Variants in FKBP5 observed in about 807,000 individuals in gnomAD.
FKBP5 encodes the protein FKBP prolyl isomerase 5, also known as peptidyl-prolyl cis-trans isomerase FKBP5.
Under a neutral mutation model 50.5 loss-of-function variants are expected in FKBP5, and 23 were observed. The observed-to-expected ratio is 0.46, with a 90% CI of 0.33 to 0.65. FKBP5 has a LOEUF of 0.65. Ranked by LOEUF, FKBP5 falls within the 30% of genes least tolerant of loss-of-function variation. The probability of loss-of-function intolerance (pLI) is 0.02; values close to 1 mark genes in which losing one functional copy is unlikely to be tolerated. For synonymous variants in FKBP5, 176 were observed against 190.6 expected (o/e 0.92, Z 0.63); for missense variants, 411 against 553.1 (o/e 0.74, Z 2.58).
chr6:35,723,254 A>G (rs976818223), intron 1 of FKBP5, among the ~76,000 whole-genome samples: 2 of 151,912 alleles, frequency 1.3e-5, no homozygotes, highest in Non-Finnish European at 2.9e-5. Context: ...AAATAAAATA[A>G]AATAAAAATT....
At chr6:35,672,018 G>A (rs1046996631) in intron 1 of FKBP5, among the ~76,000 whole-genome samples, 6 of 151,996 alleles carry the variant, frequency 3.9e-5, no homozygotes, top group African/African-American at 1.5e-4. Flanking sequence ...ACAGGCTTCC[G>A]CCACCACGCC....
chr6:35,681,825 T>G (rs769760088), intron 1 of FKBP5, among the ~76,000 whole-genome samples: 4 of 152,202 alleles, frequency 2.6e-5, no homozygotes, highest in Non-Finnish European at 5.9e-5. Context: ...ATTTGATATT[T>G]ATACATATGT....
Position 35,615,142 on chromosome 6 carries a change from CAACAACAACAACT to C in FKBP5, c.508+3941_508+3953del, listed in dbSNP as rs781527694. On this transcript the variant is annotated intron_variant, in intron 5 of 10. Transcript: ENST00000357266. ...CTGTCGCAAACAACAACAACAACAA[CAACAACAACAACT>C]ACACACACACACACACACACACACA... is the stretch of plus-strand genomic sequence containing the variant. 4.3e-3 allele frequency among the ~76,000 whole-genome samples: 503 copies of C among 115,964 alleles called. 4 individuals carry two copies. The highest frequency in any genetic ancestry group is 0.022 in the Middle Eastern group (6 of 268). The allele number at this position is 115,964 out of a possible 152,430, so 76.1% of individuals were successfully genotyped here.
chr6:35,626,175 A>G (rs1250815348), intron 3 of FKBP5, among the ~76,000 whole-genome samples: 1 of 152,196 alleles, frequency 6.6e-6, no homozygotes, highest in Non-Finnish European at 1.5e-5. Flanking sequence ...GTAATAAAAT[A>G]TAAAACAAGA....
intron 2 of FKBP5, among the ~76,000 whole-genome samples, chr6:35,701,233 G>GTTTTTTTT (rs200620341): frequency 6.8e-6 from 1 of 147,540 alleles, no homozygotes; most frequent in African/African-American, 2.5e-5. Context: ...GTTTGTTTTT[G>GTTTTTTTT]TTTTTTGTTT....
chr6:35,575,776 G>C lies in FKBP5; in HGVS notation c.*59C>G. On this transcript the variant is annotated 3_prime_UTR_variant, in exon 11 of 11. Transcript: ENST00000357266. ...TAAACACTGTTCTGTCCTGAGTTGGGGGAAAGCCCATTGAGGAGGGGCCGA... is the reference window on the plus strand; with the variant it reads ...TAAACACTGTTCTGTCCTGAGTTGGCGGAAAGCCCATTGAGGAGGGGCCGA... 1 of 1,086,370 alleles carries C rather than the reference G, an allele frequency of 9.2e-7. No homozygotes were observed. Among genetic ancestry groups the C allele is most frequent in the Non-Finnish European group, 1.4e-6 (1 of 697,954 alleles). 67.3% of individuals were successfully genotyped at this position (1,086,370 alleles called of 1,614,324 possible).
intron 1 of FKBP5, among the ~76,000 whole-genome samples, chr6:35,650,958 G>C (rs1430585276): frequency 6.6e-6 from 1 of 152,070 alleles, no homozygotes; most frequent in African/African-American, 2.4e-5. Flanking sequence ...GCTAATCTCT[G>C]AAAATATCAC....
chr6:35,589,149 G>C (rs962011552), intron 7 of FKBP5, among the ~76,000 whole-genome samples: 2 of 132,482 alleles, frequency 1.5e-5, no homozygotes, highest in African/African-American at 5.9e-5. Flanking sequence ...TTTCCTCTGA[G>C]ACGGAGTCTT....
At chr6:35,728,538 T>C (rs1480806132) in exon 1 of FKBP5, 3 of 152,298 alleles carry the variant, frequency 2.0e-5, no homozygotes, top group Admixed American at 2.0e-4. Context: ...GGTCTTGGCA[T>C]GGGGGATGTA....
chr6:35,719,680 C>T (rs867875201), intron 2 of FKBP5, among the ~76,000 whole-genome samples: 31 of 152,312 alleles, frequency 2.0e-4, no homozygotes, highest in African/African-American at 5.5e-4. Flanking sequence ...CAGGGCACCT[C>T]GACTCCAGAC....
At chr6:35,708,489 T>A (rs1431273721) in intron 2 of FKBP5, among the ~76,000 whole-genome samples, 1 of 152,076 alleles carries the variant, frequency 6.6e-6, no homozygotes, top group Non-Finnish European at 1.5e-5. Context: ...TGACCTCAGG[T>A]GATCTACCCA....
chr6:35,618,976 G>A lies in FKBP5; in HGVS notation c.508+120C>T, dbSNP rs567796660. On this transcript the variant is annotated intron_variant, in intron 5 of 10. Transcript: ENST00000357266. ...CTCCCAAAGTGCTGGGATTACAGGC[G>A]TGAGTCACTGCGCACAGCCGATATA... 210 of 677,212 alleles carry A rather than the reference G, an allele frequency of 3.1e-4. 1 individual carries two copies. In the African/African-American group the frequency reaches 3.4e-3, roughly 11 times the overall value. 42.0% of individuals were successfully genotyped at this position (677,212 alleles called of 1,614,324 possible). A position where few individuals can be genotyped will look rare whatever the true frequency, so the allele number is the denominator to read the frequency against.
At chr6:35,627,094 C>A (rs1764023444) in intron 3 of FKBP5, among the ~76,000 whole-genome samples, 1 of 152,148 alleles carries the variant, frequency 6.6e-6, no homozygotes, top group Non-Finnish European at 1.5e-5. Context: ...ACATTCCCAC[C>A]AACAGCGCAT....
chr6:35,634,700 G>A (rs1014399059), intron 3 of FKBP5, among the ~76,000 whole-genome samples: 1 of 94,682 alleles, frequency 1.1e-5, no homozygotes, highest in African/African-American at 3.3e-5. Flanking sequence ...CCATGGTGGT[G>A]AATAGGGGGA....
At position 35,601,252 on chromosome 6, in the gene FKBP5, A is replaced by C. The variant is rs183568605; in HGVS notation, c.509-3848T>G. Among the ~76,000 whole-genome samples, 265 of 152,364 alleles carry C rather than the reference A, an allele frequency of 1.7e-3. 3 individuals carry two copies. Among genetic ancestry groups the C allele is most frequent in the Non-Finnish European group, 3.1e-4 (21 of 68,040 alleles). Reference sequence around the variant, plus strand: ...GACATATACACCCCAGTTTATATAAAAAACCAAAACCATCGCCTTGTAATA... The same window carrying C: ...GACATATACACCCCAGTTTATATAACAAACCAAAACCATCGCCTTGTAATA... On this transcript the variant is annotated intron_variant, in intron 5 of 10. Coordinates refer to ENST00000357266, the MANE Select transcript of FKBP5 (RefSeq NM_004117.4).
Position 35,597,349 on chromosome 6 carries a change from G to T in FKBP5, c.564C>A (p.Phe188Leu). ...GRMFDCRDVA[F>L]TVGEGEDHDI... is the part of the protein sequence containing the mutation. ...CGTGGTCTTCTCCTTCGCCCACAGT[G>T]AATGCCACATCTCTGCAGTCAAACA... The change falls in exon 6 of 11, where the codon TTC (phenylalanine) becomes TTA (leucine). Residue 188 changes from phenylalanine (F) to leucine (L), a missense_variant. Around this residue, in one of 3 missense-constraint regions of FKBP5, gnomAD observed 267 missense variants for 405.9 expected, o/e 0.66. Coordinates refer to ENST00000357266, the MANE Select transcript of FKBP5 (RefSeq NM_004117.4). The T allele has an allele frequency of 6.2e-7, 1 of 1,614,172 alleles. No homozygotes were observed. Among genetic ancestry groups the T allele is most frequent in the Non-Finnish European group, 8.5e-7 (1 of 1,180,030 alleles).
chr6:35,693,163 C>CTTT (rs71002590), upstream of FKBP5, among the ~76,000 whole-genome samples: 129 of 109,762 alleles, frequency 1.2e-3, 1 homozygote, highest in Non-Finnish European at 1.5e-3. Context: ...TTCTCTCTCT[C>CTTT]TTTTTTTTTT....
chr6:35,595,750 CAA>C (rs763300374), intron 6 of FKBP5, among the ~76,000 whole-genome samples: 1 of 135,622 alleles, frequency 7.4e-6, no homozygotes, highest in South Asian at 2.3e-4. Flanking sequence ...ATCCTGTTAC[CAA>C]AAAAAAAAAA....
chr6:35,705,211 CAAATAT>C (rs1766271968), intron 2 of FKBP5, among the ~76,000 whole-genome samples: 1 of 80,070 alleles, frequency 1.2e-5, no homozygotes, highest in Admixed American at 1.9e-4. Flanking sequence ...TATATATGTA[CAAATAT>C]ATATATATAT....
Sources: allele counts gnomAD v4.1 joint callset (sites outside exome capture counted in the v4.1 genomes callset), GRCh38; gene constraint gnomAD v4.1.1; regional missense constraint gnomAD v4.1.1; transcripts MANE v1.5; gene names NCBI Gene and HGNC (gene_info 2026-07-23, HGNC 2026-07-21).